The following CCDC192 variants were observed in gnomAD, a reference collection of about 807,000 sequenced individuals.
CCDC192 encodes the protein coiled-coil domain containing 192, also known as coiled-coil domain-containing protein 192.
intron 5 of CCDC192, among the ~76,000 whole-genome samples, chr5:127,828,305 T>C (rs1464442089): frequency 6.6e-6 from 1 of 152,206 alleles, no homozygotes; most frequent in Non-Finnish European, 1.5e-5. Context: ...TCTATATATG[T>C]GGTCTCGAGA....
intron 5 of CCDC192, among the ~76,000 whole-genome samples, chr5:127,861,630 G>A (rs1751375224): frequency 6.6e-6 from 1 of 152,016 alleles, no homozygotes; most frequent in Non-Finnish European, 1.5e-5. Flanking sequence ...ACTCCAACCT[G>A]GCGACAAAGC....
chr5:127,796,216 A>G (rs1757156872), intron 3 of CCDC192, among the ~76,000 whole-genome samples: 3 of 152,196 alleles, frequency 2.0e-5, no homozygotes, highest in East Asian at 1.9e-4. Flanking sequence ...TCATGCTTCC[A>G]TATTTGGTAG....
At chr5:127,862,402 T>C (rs902434728) in intron 5 of CCDC192, among the ~76,000 whole-genome samples, 4 of 152,160 alleles carry the variant, frequency 2.6e-5, no homozygotes, top group Non-Finnish European at 4.4e-5. Context: ...CCACAAGGAC[T>C]CTCACAGCTT....
intron 3 of CCDC192, among the ~76,000 whole-genome samples, chr5:127,761,564 G>C (rs752863736): frequency 6.6e-6 from 1 of 152,112 alleles, no homozygotes; most frequent in Non-Finnish European, 1.5e-5. Context: ...GTATGTTGGA[G>C]TGTGTGTGTT....
At position 127,866,041 on chromosome 5, in the gene CCDC192, A is replaced by C. The variant is rs137904690; in HGVS notation, c.412-9497A>C. ...ATCAAGAACAGAGAGCTTTCAGGGT[A>C]GGAATAACAACCAAACTGTTGAACG... On this transcript the variant is annotated intron_variant, in intron 5 of 6. Coordinates refer to ENST00000514853, the MANE Select transcript of CCDC192 (RefSeq NM_001317938.2). Among the ~76,000 whole-genome samples, 5 of 152,264 alleles carry C rather than the reference A, an allele frequency of 3.3e-5. No individual in the cohort carries two copies. In the East Asian group the frequency reaches 9.7e-4, roughly 29 times the overall value.
chr5:127,802,778 A>G (rs759992337), intron 5 of CCDC192, among the ~76,000 whole-genome samples: 6 of 152,204 alleles, frequency 3.9e-5, no homozygotes, highest in Non-Finnish European at 5.9e-5. Context: ...TGTCTTGTAC[A>G]GATTTTATTG....
chr5:127,804,448 G>A (rs1395130397), intron 5 of CCDC192, among the ~76,000 whole-genome samples: 1 of 152,154 alleles, frequency 6.6e-6, no homozygotes, highest in Non-Finnish European at 1.5e-5. Flanking sequence ...AAAACAGTTG[G>A]AGCTGGTACA....
At chr5:127,767,089 T>C (rs1011079213) in intron 3 of CCDC192, among the ~76,000 whole-genome samples, 2 of 152,132 alleles carry the variant, frequency 1.3e-5, no homozygotes, top group Non-Finnish European at 2.9e-5. Flanking sequence ...TTCCCCAAAC[T>C]GGAAAGTAGA....
At chr5:127,861,528 G>C (rs761481897) in intron 5 of CCDC192, among the ~76,000 whole-genome samples, 1 of 151,578 alleles carries the variant, frequency 6.6e-6, no homozygotes, top group Non-Finnish European at 1.5e-5. Context: ...GATGACAGGC[G>C]CCTGTAATCC....
chr5:127,814,595 C>A (rs1758271317), intron 5 of CCDC192, among the ~76,000 whole-genome samples: 1 of 152,182 alleles, frequency 6.6e-6, no homozygotes, highest in Non-Finnish European at 1.5e-5. Flanking sequence ...ATTGGAATAG[C>A]TAAAAGCTTA....
chr5:127,938,049 T>C (rs2126333820), intron 6 of CCDC192, among the ~76,000 whole-genome samples: 1 of 151,084 alleles, frequency 6.6e-6, no homozygotes, highest in East Asian at 2.0e-4. Context: ...TGTTCACTGC[T>C]CCTCTCCTCA....
intron 2 of CCDC192, among the ~76,000 whole-genome samples, chr5:127,745,979 T>C (rs1322932203): frequency 6.6e-6 from 1 of 152,252 alleles, no homozygotes; most frequent in Non-Finnish European, 1.5e-5. Flanking sequence ...TCTATCTTTA[T>C]GTGTTTACTT....
At chr5:127,739,292 G>T (rs1753247498) in intron 2 of CCDC192, among the ~76,000 whole-genome samples, 1 of 152,208 alleles carries the variant, frequency 6.6e-6, no homozygotes, top group African/African-American at 2.4e-5. Flanking sequence ...CCCGTTCTCA[G>T]ATCTCCAGCT....
intron 2 of CCDC192, among the ~76,000 whole-genome samples, chr5:127,740,658 A>T (rs1753360305): frequency 6.6e-6 from 1 of 152,176 alleles, no homozygotes; most frequent in African/African-American, 2.4e-5. Context: ...AGTAGAAAAA[A>T]ATTACCTCCA....
chr5:127,723,113 G>A (rs1487023074), intron 2 of CCDC192, among the ~76,000 whole-genome samples: 1 of 151,698 alleles, frequency 6.6e-6, no homozygotes, highest in Non-Finnish European at 1.5e-5. Flanking sequence ...CCTTTTTTTG[G>A]TATCCTCTTC....
chr5:127,806,789 T>C (rs1757810280), intron 5 of CCDC192, among the ~76,000 whole-genome samples: 1 of 152,024 alleles, frequency 6.6e-6, no homozygotes, highest in Non-Finnish European at 1.5e-5. Context: ...ACTGTAAGAA[T>C]CTAATAGAAA....
At chr5:127,748,536 T>C (rs2126858023) in intron 2 of CCDC192, among the ~76,000 whole-genome samples, 1 of 140,416 alleles carries the variant, frequency 7.1e-6, no homozygotes, top group South Asian at 2.4e-4. Context: ...TGAAGTCAGG[T>C]AGTGTGATGC....
intron 2 of CCDC192, among the ~76,000 whole-genome samples, chr5:127,710,706 G>A (rs945996774): frequency 1.3e-5 from 2 of 152,184 alleles, no homozygotes; most frequent in African/African-American, 4.8e-5. Flanking sequence ...TGAGGGTGGT[G>A]TCTGGCATCA....
intron 2 of CCDC192, among the ~76,000 whole-genome samples, chr5:127,730,714 T>A (rs1561451706): frequency 6.6e-6 from 1 of 152,176 alleles, no homozygotes; most frequent in Non-Finnish European, 1.5e-5. Context: ...TGGTTCAACA[T>A]ATGCAAATCA....
Sources: gnomAD v4.1 joint callset for allele counts (sites outside exome capture counted in the v4.1 genomes callset) on GRCh38, gnomAD v4.1.1 for gene constraint, MANE v1.5 for transcripts, NCBI Gene and HGNC (gene_info 2026-07-23, HGNC 2026-07-21) for gene names.